CHRNG: variants seen among roughly 807,000 people sequenced by gnomAD.
CHRNG encodes the protein acetylcholine receptor subunit gamma.
CHRNG carries 72 observed loss-of-function variants against 65.2 expected under a neutral mutation model. The ratio of observed to expected loss-of-function variants is 1.10; its 90% CI spans 0.91 to 1.34. CHRNG has a LOEUF of 1.34. CHRNG is among the 40% of genes most tolerant of loss of function. The pLI is 0.00. For missense variants in CHRNG, 637 were observed against 680.1 expected (o/e 0.94, Z 0.70); for synonymous variants, 284 against 290.2 (o/e 0.98, Z 0.22).
chr2:232,540,651 T>C lies in CHRNG; in HGVS notation c.290T>C (p.Leu97Pro). 1 of 1,613,134 alleles carries C rather than the reference T, an allele frequency of 6.2e-7. No homozygotes were observed. ...LRWDPRDYEGLWVLRVPSTMV... is the reference protein window; with the variant it reads ...LRWDPRDYEGPWVLRVPSTMV... ...TGGGATCCGCGAGACTACGAAGGCC[T>C]GTGGGTGCTGAGGGTGCCGTCCACC... is the stretch of plus-strand genomic sequence containing the variant. Residue 97 changes from leucine (L) to proline (P), a missense_variant, in exon 4 of 12, where the codon CTG (leucine) becomes CCG (proline). Coordinates refer to ENST00000651502, the MANE Select transcript of CHRNG (RefSeq NM_005199.5). This position sits in a 1 kb window ranked among gnomAD's most constrained non-coding sequence, Gnocchi z 4.2.
Position 232,545,921 on chromosome 2 carries a change from C to G in CHRNG, c.*205C>G. 1.5e-6 allele frequency: 1 copy of G among 663,722 alleles called. No homozygotes were observed. Among genetic ancestry groups the G allele is most frequent in the Non-Finnish European group, 2.7e-6 (1 of 369,220 alleles). 41.1% of individuals were successfully genotyped at this position (663,722 alleles called of 1,614,324 possible). A position where few individuals can be genotyped will look rare whatever the true frequency, so the allele number is the denominator to read the frequency against. On this transcript the variant is annotated 3_prime_UTR_variant, in exon 12 of 12. Transcript: ENST00000651502. ...GTTGGGGGTGGGCCGTGGCTAGTGT[C>G]CTGCTGCAGTCAGCACACACGTGGG...
Position 232,543,073 on chromosome 2 carries a change from C to T in CHRNG, c.796C>T (p.Pro266Ser). ...TGTCGCCATCCTCATCCACTTCCTT[C>T]CTGCCAAGGGTACCTGGAGCCTATG... ...SSVAILIHFLPAKAGGQKCTV... is the reference protein window; with the variant it reads ...SSVAILIHFLSAKAGGQKCTV... Residue 266 changes from proline (P) to serine (S), a missense_variant, in exon 7 of 12, where the codon CCT becomes TCT. Transcript: ENST00000651502. The T allele has an allele frequency of 6.2e-7, 1 of 1,614,164 alleles. No individual in the cohort carries two copies. The highest frequency in any genetic ancestry group is 1.1e-5 in the South Asian group (1 of 91,088).
In CHRNG at chr2:232,540,850, T is replaced by C; in HGVS notation, c.350+139T>C. On this transcript the variant is annotated intron_variant, in intron 4 of 11. Coordinates refer to ENST00000651502, the MANE Select transcript of CHRNG (RefSeq NM_005199.5). The surrounding 1 kb of genome is among the most constrained non-coding windows in gnomAD (Gnocchi z 4.2). ...CCTGTGGGGCTAGGGAAGAACTGGA[T>C]GGAGCAGGTGCCGAGGGCAGGGCCC... 2 of 799,734 alleles carry C rather than the reference T, an allele frequency of 2.5e-6. No individual in the cohort carries two copies. The highest frequency in any genetic ancestry group is 2.7e-5 in the East Asian group (1 of 37,208). 49.5% of individuals were successfully genotyped at this position (799,734 alleles called of 1,614,324 possible).
Position 232,546,037 on chromosome 2 carries a change from G to C in CHRNG, c.*321G>C. The C allele has an allele frequency of 2.2e-6, 1 of 457,372 alleles. No individual in the cohort carries two copies. The highest frequency in any genetic ancestry group is 2.0e-5 in the South Asian group (1 of 49,162). The allele number at this position is 457,372 out of a possible 1,614,324, so 28.3% of individuals were successfully genotyped here. A position where few individuals can be genotyped will look rare whatever the true frequency, so the allele number is the denominator to read the frequency against. On this transcript the variant is annotated 3_prime_UTR_variant, in exon 12 of 12. Coordinates refer to ENST00000651502, the MANE Select transcript of CHRNG (RefSeq NM_005199.5). ...CATTATTCATTCCCATCAGTCTGAA[G>C]CCCGAAGGACTGTTTTGTATAATAC...
rs967551582 is a variant in CHRNG at position 232,543,062 on chromosome 2, T to C, written c.785T>C (p.Ile262Thr). ...CVLISSVAIL[I>T]HFLPAKAGGQ... ...CTCATCTCCTCTGTCGCCATCCTCA[T>C]CCACTTCCTTCCTGCCAAGGGTACC... The change falls in exon 7 of 12, where the codon ATC (isoleucine) becomes ACC (threonine). Residue 262 changes from isoleucine to threonine, a missense_variant. Coordinates refer to ENST00000651502, the MANE Select transcript of CHRNG (RefSeq NM_005199.5). 1.9e-6 allele frequency: 3 copies of C among 1,614,164 alleles called. No individual in the cohort carries two copies. In the Admixed American group the frequency reaches 5.0e-5, roughly 27 times the overall value.
chr2:232,542,460 C>T lies in CHRNG; in HGVS notation c.544C>T (p.Leu182=). The T allele has an allele frequency of 6.2e-7, 1 of 1,613,976 alleles. No individual in the cohort carries two copies. Among genetic ancestry groups the T allele is most frequent in the South Asian group, 1.1e-5 (1 of 91,060 alleles). Residue 182 remains leucine (L), a synonymous_variant, in exon 6 of 12, where the codon CTG becomes TTG. Coordinates refer to ENST00000651502, the MANE Select transcript of CHRNG (RefSeq NM_005199.5). The stretch of plus-strand genomic sequence containing the variant: ...CAGCACCAATGAGATTGATCTGCAG[C>T]TGAGTCAGGAAGATGGCCAGACCAT... ...TYSTNEIDLQ[L]SQEDGQTIEW...
rs1031509118 is a variant in CHRNG at position 232,541,498 on chromosome 2, T to A, written c.475T>A (p.Phe159Ile). The change falls in exon 5 of 12, where the codon TTC becomes ATC. Residue 159 changes from phenylalanine (F) to isoleucine (I), a missense_variant. Phe to Ile is a conservative substitution (Grantham distance 21). Transcript: ENST00000651502. This position sits in a 1 kb window ranked among gnomAD's most constrained non-coding sequence, Gnocchi z 4.0. ...ACSISVTYFP[F>I]DWQNCSLIFQ... Reference sequence around the variant, plus strand: ...CTCTATCTCAGTCACCTACTTCCCCTTCGACTGGCAGAACTGCTCCCTTAT... The same window carrying A: ...CTCTATCTCAGTCACCTACTTCCCCATCGACTGGCAGAACTGCTCCCTTAT... 4 of 1,614,138 alleles carry A rather than the reference T, an allele frequency of 2.5e-6. No homozygotes were observed. Among genetic ancestry groups the A allele is most frequent in the Non-Finnish European group, 3.4e-6 (4 of 1,180,006 alleles).
rs375422793 is a variant in CHRNG at position 232,544,922 on chromosome 2, G to C, written c.1380+20G>C. 52 of 1,613,604 alleles carry C rather than the reference G, an allele frequency of 3.2e-5. No homozygotes were observed. Among genetic ancestry groups the C allele is most frequent in the Non-Finnish European group, 4.2e-5 (50 of 1,179,922 alleles). On this transcript the variant is annotated intron_variant, in intron 11 of 11. Coordinates refer to ENST00000651502, the MANE Select transcript of CHRNG (RefSeq NM_005199.5). Reference sequence around the variant, plus strand: ...GACAATGTAAGCTGAGTCAGGGTGGGGTGGAGGTGGAGTGAGTACCTGGGC... The same window carrying C: ...GACAATGTAAGCTGAGTCAGGGTGGCGTGGAGGTGGAGTGAGTACCTGGGC...
rs1692147091 is a variant in CHRNG at position 232,547,149 on chromosome 2, G to C, written c.*1433G>C. 6.6e-6 allele frequency among the ~76,000 whole-genome samples: 1 copy of C among 152,146 alleles called. No individual in the cohort carries two copies. Among genetic ancestry groups the C allele is most frequent in the Non-Finnish European group, 1.5e-5 (1 of 68,010 alleles). ...TGGCCAGGTGTGGTGGCTCACACCT[G>C]CAATCCCAGCACCTTGGGAGGACAA... On this transcript the variant is annotated 3_prime_UTR_variant, in exon 12 of 12. Coordinates refer to ENST00000651502, the MANE Select transcript of CHRNG (RefSeq NM_005199.5).
chr2:232,539,715 C>CCCACCCTG lies in CHRNG; in HGVS notation c.-27_-26insTGCCACCC, dbSNP rs1691973143. On this transcript the variant is annotated 5_prime_UTR_variant, in exon 1 of 12. Transcript: ENST00000651502. The stretch of plus-strand genomic sequence containing the variant: ...CTGCCCCAGACCTTGGAGCTGTTGT[C>CCCACCCTG]CCACCCCTGTCACTGCAGAGAGCTG... The CCCACCCTG allele has an allele frequency of 6.2e-7, 1 of 1,609,778 alleles. No individual in the cohort carries two copies. The highest frequency in any genetic ancestry group is 8.5e-7 in the Non-Finnish European group (1 of 1,176,804).
At chr2:232,544,021 G>A (rs1459398248) in intron 9 of CHRNG, among the ~76,000 whole-genome samples, 1 of 152,246 alleles carries the variant, frequency 6.6e-6, no homozygotes, top group East Asian at 1.9e-4. Flanking sequence ...GAGTCTGCCA[G>A]GGCAGTCTGA....
chr2:232,544,306 A>G, intron 9 of CHRNG, 61 bp from the exon 10 acceptor site: 7 of 1,317,228 alleles, frequency 5.3e-6, no homozygotes, highest in Non-Finnish European at 7.7e-6. Flanking sequence ...CCTTCACGCC[A>G]ACCTCTGGCT....
Position 232,541,840 on chromosome 2 carries a change from G to A in CHRNG, c.506+311G>A, listed in dbSNP as rs900374210. On this transcript the variant is annotated intron_variant, in intron 5 of 11. Transcript: ENST00000651502. This position sits in a 1 kb window ranked among gnomAD's most constrained non-coding sequence, Gnocchi z 4.0. ...ACATGCACACAAGATGCGTGTCTGC[G>A]CACACACGAAACCACTGCACACTCC... The A allele has an allele frequency of 3.2e-5, 15 of 470,354 alleles. No homozygotes were observed. Among genetic ancestry groups the A allele is most frequent in the Admixed American group, 1.0e-4 (3 of 29,876 alleles). The allele number at this position is 470,354 out of a possible 1,614,324, so 29.1% of individuals were successfully genotyped here. A position where few individuals can be genotyped will look rare whatever the true frequency, so the allele number is the denominator to read the frequency against.
At position 232,544,820 on chromosome 2, in the gene CHRNG, A is replaced by G; in HGVS notation, c.1298A>G (p.Gln433Arg). 1 of 1,613,636 alleles carries G rather than the reference A, an allele frequency of 6.2e-7. No homozygotes were observed. The highest frequency in any genetic ancestry group is 1.1e-5 in the South Asian group (1 of 91,082). The change falls in exon 11 of 12, where the codon CAG becomes CGG. Residue 433 changes from glutamine (Q) to arginine (R), a missense_variant. Coordinates refer to ENST00000651502, the MANE Select transcript of CHRNG (RefSeq NM_005199.5). ...AGCCAGTTCTGTGGCAGCCTGAAGC[A>G]GGCTGCCCCAGCCATCCAGGCCTGT... is the stretch of plus-strand genomic sequence containing the variant. ...GLSQFCGSLK[Q>R]AAPAIQACVE...
In CHRNG at chr2:232,544,865, T is replaced by A. The variant is rs139108448; in HGVS notation, c.1343T>A (p.Ile448Asn). The change falls in exon 11 of 12, where the codon ATT (isoleucine) becomes AAT (asparagine). Residue 448 changes from isoleucine to asparagine, a missense_variant. Coordinates refer to ENST00000651502, the MANE Select transcript of CHRNG (RefSeq NM_005199.5). ...IQACVEACNL[I>N]ACARHQQSHF... is the part of the protein sequence containing the mutation. ...GCCTGTGTGGAAGCCTGCAACCTCATTGCCTGTGCCCGGCACCAGCAGAGT... is the reference window on the plus strand; with the variant it reads ...GCCTGTGTGGAAGCCTGCAACCTCAATGCCTGTGCCCGGCACCAGCAGAGT... 1 of 1,613,886 alleles carries A rather than the reference T, an allele frequency of 6.2e-7. No homozygotes were observed. The highest frequency in any genetic ancestry group is 1.1e-5 in the South Asian group (1 of 91,078).
chr2:232,543,025 G>A lies in CHRNG; in HGVS notation c.748G>A (p.Ala250Thr), dbSNP rs1363680367. ...KPLFYVINII[A>T]PCVLISSVAI... The stretch of plus-strand genomic sequence containing the variant: ...CCTCTTCTACGTCATCAACATCATC[G>A]CCCCCTGTGTGCTCATCTCCTCTGT... Residue 250 changes from alanine (A) to threonine (T), a missense_variant, in exon 7 of 12, where the codon GCC becomes ACC. Ala to Thr is a moderately conservative substitution (Grantham distance 58, BLOSUM62 0). Transcript: ENST00000651502. 9.9e-6 allele frequency: 16 copies of A among 1,614,036 alleles called. No individual in the cohort carries two copies. Among genetic ancestry groups the A allele is most frequent in the Middle Eastern group, 1.6e-4 (1 of 6,084 alleles).
At chr2:232,543,244 C>A (rs923349265) in intron 7 of CHRNG, 31 bp from the exon 8 acceptor site, 3 of 1,594,240 alleles carry the variant, frequency 1.9e-6, no homozygotes, top group Admixed American at 1.7e-5. Flanking sequence ...GAGGTAGGAA[C>A]CTGCTCTGAG....
At position 232,544,537 on chromosome 2, in the gene CHRNG, G is replaced by A. The variant is rs1692085474; in HGVS notation, c.1206G>A (p.Gln402=). 5 of 1,613,726 alleles carry A rather than the reference G, an allele frequency of 3.1e-6. No homozygotes were observed. The highest frequency in any genetic ancestry group is 1.1e-5 in the South Asian group (1 of 91,094). ...CTCGCAGTGAACTCCTCTTCCAGCA[G>A]TGGCAGCGGCAAGGGCTGGTGGCGG... The part of the protein sequence containing the change: ...CLPRSELLFQ[Q]WQRQGLVAAA... Residue 402 remains glutamine (Q), a synonymous_variant, in exon 10 of 12, where the codon CAG becomes CAA. Transcript: ENST00000651502.
rs368612307 is a variant in CHRNG at position 232,544,827 on chromosome 2, C to A, written c.1305C>A (p.Ala435=). The change falls in exon 11 of 12, where the codon GCC becomes GCA. Residue 435 remains alanine (A), a synonymous_variant. Transcript: ENST00000651502. ...TCTGTGGCAGCCTGAAGCAGGCTGC[C>A]CCAGCCATCCAGGCCTGTGTGGAAG... ...SQFCGSLKQA[A]PAIQACVEAC... 6.2e-7 allele frequency: 1 copy of A among 1,613,710 alleles called. No homozygotes were observed. The highest frequency in any genetic ancestry group is 1.7e-5 in the Admixed American group (1 of 60,008).
Sources: gnomAD v4.1 joint callset for allele counts (sites outside exome capture counted in the v4.1 genomes callset) on GRCh38, gnomAD v4.1.1 for gene constraint, Gnocchi (gnomAD v3.1) non-coding constraint, MANE v1.5 for transcripts, NCBI Gene and HGNC (gene_info 2026-07-23, HGNC 2026-07-21) for gene names.